The following COL1A1 variants were observed in gnomAD, a reference collection of about 807,000 sequenced individuals.
COL1A1 encodes the protein collagen alpha-1(I) chain.
COL1A1 carries 21 observed loss-of-function variants against 195.7 expected under a neutral mutation model. The observed-to-expected ratio is 0.11, with a 90% confidence interval of 0.08 to 0.15. The LOEUF (loss-of-function observed/expected upper bound fraction) is 0.15. Among genes scored for constraint, COL1A1 ranks in the 10% least tolerant of loss-of-function variants. The pLI is 1.00. For missense variants in COL1A1, 1,365 were observed against 2,051.0 expected (o/e 0.67, Z 6.46); for synonymous variants, 749 against 747.3 (o/e 1.00, Z -0.04).
Position 50,188,858 on chromosome 17 carries a change from A to G in COL1A1, c.3045+45T>C, listed in dbSNP as rs368234374. 1.0e-4 allele frequency: 158 copies of G among 1,583,290 alleles called. No homozygotes were observed. Among genetic ancestry groups the G allele is most frequent in the African/African-American group, 8.1e-4 (60 of 74,200 alleles). ...GGAAGAGGGCTTAGGCAAGGCCACA[A>G]TGGCCATGCTGAGGGTACTGGCATG... On this transcript the variant is annotated intron_variant, in intron 41 of 50. Coordinates refer to ENST00000225964, the MANE Select transcript of COL1A1 (RefSeq NM_000088.4). This position sits in a 1 kb window ranked among gnomAD's most constrained non-coding sequence, Gnocchi z 5.6.
At chr17:50,187,390 C>T in intron 46 of COL1A1, 94 bp downstream of exon 46, 1 of 1,311,390 alleles carries the variant, frequency 7.6e-7, no homozygotes, top group Non-Finnish European at 1.1e-6. Flanking sequence ...AACCCTTCTC[C>T]AGAGAGGCAA....
Position 50,185,094 on chromosome 17 carries a change from T to G in COL1A1, c.*408A>C, listed in dbSNP as rs1451584442. 2 of 272,908 alleles carry G rather than the reference T, an allele frequency of 7.3e-6. No individual in the cohort carries two copies. Among genetic ancestry groups the G allele is most frequent in the African/African-American group, 2.2e-5 (1 of 45,652 alleles). The allele number at this position is 272,908 out of a possible 1,614,324, so 16.9% of individuals were successfully genotyped here. On this transcript the variant is annotated 3_prime_UTR_variant, in exon 51 of 51. Transcript: ENST00000225964. Reference sequence around the variant, plus strand: ...TCCTGTGTCTTCTGGGGAGACAGATTTGGGAAGGAGTGGAGGGGAGGCCCC... The same window carrying G: ...TCCTGTGTCTTCTGGGGAGACAGATGTGGGAAGGAGTGGAGGGGAGGCCCC...
At position 50,199,431 on chromosome 17, in the gene COL1A1, G is replaced by A; in HGVS notation, c.356C>T (p.Pro119Leu). The A allele has an allele frequency of 6.2e-7, 1 of 1,614,180 alleles. No individual in the cohort carries two copies. Residue 119 changes from proline (P) to leucine (L), a missense_variant, in exon 4 of 51, where the codon CCC becomes CTC. Around this residue, in one of 5 missense-constraint regions of COL1A1, gnomAD observed 194 missense variants for 221.7 expected, o/e 0.88. Transcript: ENST00000225964. ...TGCAACGCTTACCCTTGGGCCTCGG[G>A]GGCCAGTGTCTCCCTTGGGTCCCTG... ...GVEGPKGDTG[P>L]RGPRGPAGPP...
intron 6 of COL1A1, 46 bp from the exon 7 acceptor site, chr17:50,198,251 A>C: frequency 6.2e-7 from 1 of 1,608,804 alleles, no homozygotes. Context: ...CCTCTGTAGG[A>C]AAGCATGTGG....
At position 50,185,254 on chromosome 17, in the gene COL1A1, A is replaced by C. The variant is rs879149993; in HGVS notation, c.*248T>G. 7.4e-6 allele frequency: 2 copies of C among 268,864 alleles called. No homozygotes were observed. Among genetic ancestry groups the C allele is most frequent in the African/African-American group, 1.4e-4 (2 of 14,640 alleles). The allele number at this position is 268,864 out of a possible 1,614,324, so 16.7% of individuals were successfully genotyped here. On this transcript the variant is annotated 3_prime_UTR_variant, in exon 51 of 51. Transcript: ENST00000225964. ...TCCTTTTTTAAAAAGTTATTTATTTATTCTTTTTTTTTTTTTTTTTTTGGT... is the reference window on the plus strand; with the variant it reads ...TCCTTTTTTAAAAAGTTATTTATTTCTTCTTTTTTTTTTTTTTTTTTTGGT...
rs1906250340 is a variant in COL1A1, at chr17:50,184,197, T to G, written c.*1305A>C. On this transcript the variant is annotated 3_prime_UTR_variant, in exon 51 of 51. Coordinates refer to ENST00000225964, the MANE Select transcript of COL1A1 (RefSeq NM_000088.4). ...ACAAAATAGGTACAGAGTCTTTTGC[T>G]TCCTCCCACCCCTAGGGGGAAAAAC... The G allele has an allele frequency of 4.4e-6, 1 of 228,050 alleles. No homozygotes were observed. Among genetic ancestry groups the G allele is most frequent in the East Asian group, 6.3e-5 (1 of 15,986 alleles). 14.1% of individuals were successfully genotyped at this position (228,050 alleles called of 1,614,324 possible). A position where few individuals can be genotyped will look rare whatever the true frequency, so the allele number is the denominator to read the frequency against.
chr17:50,196,464 C>G lies in COL1A1; in HGVS notation c.903+20G>C. ...CTGCCTCCTGCCCCATCCCTGCCCT[C>G]TGGAACTGGGCACACTCACCATCTG... On this transcript the variant is annotated intron_variant, in intron 13 of 50. Transcript: ENST00000225964. 1 of 1,614,194 alleles carries G rather than the reference C, an allele frequency of 6.2e-7. No homozygotes were observed. Among genetic ancestry groups the G allele is most frequent in the South Asian group, 1.1e-5 (1 of 91,088 alleles).
At position 50,188,058 on chromosome 17, in the gene COL1A1, G is replaced by A. The variant is rs772769221; in HGVS notation, c.3261+38C>T. ...GAGTGGGGCACTGTCTGCATCTGTA[G>A]AGTTCTAAAGGCATGGGGGACACAG... On this transcript the variant is annotated intron_variant, in intron 44 of 50. Coordinates refer to ENST00000225964, the MANE Select transcript of COL1A1 (RefSeq NM_000088.4). This position sits in a 1 kb window ranked among gnomAD's most constrained non-coding sequence, Gnocchi z 5.6. 1 of 1,613,584 alleles carries A rather than the reference G, an allele frequency of 6.2e-7. No individual in the cohort carries two copies. The highest frequency in any genetic ancestry group is 1.1e-5 in the South Asian group (1 of 91,030).
In COL1A1 at chr17:50,199,901, T is replaced by C; in HGVS notation, c.150A>G (p.Arg50=). ...CVQNGLRYHD[R]DVWKPEPCRI... Reference sequence around the variant, plus strand: ...GGCAGGGCTCGGGTTTCCACACGTCTCGGTCATGGTACCTGAGGCCGTTCT... The same window carrying C: ...GGCAGGGCTCGGGTTTCCACACGTCCCGGTCATGGTACCTGAGGCCGTTCT... The change falls in exon 2 of 51, where the codon CGA becomes CGG. Residue 50 remains arginine (R), a synonymous_variant. Coordinates refer to ENST00000225964, the MANE Select transcript of COL1A1 (RefSeq NM_000088.4). 1 of 1,614,184 alleles carries C rather than the reference T, an allele frequency of 6.2e-7. No homozygotes were observed. The highest frequency in any genetic ancestry group is 8.5e-7 in the Non-Finnish European group (1 of 1,180,030).
At chr17:50,192,071 G>T (rs774095910) in intron 29 of COL1A1, 47 bp from the exon 30 acceptor site, 1 of 1,592,726 alleles carries the variant, frequency 6.3e-7, no homozygotes, top group South Asian at 1.1e-5. Context: ...AACCCACCTG[G>T]GGCCACTCTG....
In COL1A1 at chr17:50,187,885, A is replaced by G. The variant is rs1598286951; in HGVS notation, c.3360T>C (p.Pro1120=). The change falls in exon 45 of 51, where the codon CCT becomes CCC. Residue 1120 remains proline, a synonymous_variant. Transcript: ENST00000225964. ...GGCTGAGCATACTTACAGGAGGGCC[A>G]GGGGGACCCTGGAGGCCAGAGAAGC... ...HRGFSGLQGP[P]GPPGSPGEQG... The G allele has an allele frequency of 6.2e-7, 1 of 1,603,436 alleles. No individual in the cohort carries two copies. The highest frequency in any genetic ancestry group is 8.5e-7 in the Non-Finnish European group (1 of 1,174,110).
In COL1A1 at chr17:50,186,600, CAGGAGT is replaced by C; in HGVS notation, c.3814+34_3814+39del. The C allele has an allele frequency of 6.2e-7, 1 of 1,613,296 alleles. No individual in the cohort carries two copies. Among genetic ancestry groups the C allele is most frequent in the Non-Finnish European group, 8.5e-7 (1 of 1,179,918 alleles). On this transcript the variant is annotated intron_variant, in intron 48 of 50. Coordinates refer to ENST00000225964, the MANE Select transcript of COL1A1 (RefSeq NM_000088.4). The surrounding 1 kb of genome is among the most constrained non-coding windows in gnomAD (Gnocchi z 5.3). ...TATGGGCATGGGGACCCTGGCATGGCAGGAGTAGGAGGGAGGGAGAGGCTAGGGCAG... is the reference window on the plus strand; with the variant it reads ...TATGGGCATGGGGACCCTGGCATGGCAGGAGGGAGGGAGAGGCTAGGGCAG...
rs536806940 is a variant in COL1A1 at position 50,190,298 on chromosome 17, T to A, written c.2451+29A>T. 11 of 1,518,154 alleles carry A rather than the reference T, an allele frequency of 7.2e-6. No homozygotes were observed. In the African/African-American group the frequency reaches 1.4e-4, roughly 20 times the overall value. The allele number at this position is 1,518,154 out of a possible 1,614,324, so 94.0% of individuals were successfully genotyped here. A position where few individuals can be genotyped will look rare whatever the true frequency, so the allele number is the denominator to read the frequency against. ...CGAGGTCCCAGGTCCCAGTCGGTGA[T>A]GAAAAATGATGGGGGTCTTGGTACT... On this transcript the variant is annotated intron_variant, in intron 35 of 50. Transcript: ENST00000225964. The surrounding 1 kb of genome is among the most constrained non-coding windows in gnomAD (Gnocchi z 4.7).
rs371715085 is a variant in COL1A1, at chr17:50,197,000, G to A, written c.804+10C>T. 1 of 1,613,998 alleles carries A rather than the reference G, an allele frequency of 6.2e-7. No individual in the cohort carries two copies. The highest frequency in any genetic ancestry group is 8.5e-7 in the Non-Finnish European group (1 of 1,179,954). ...ACTTGGGGAGCTTAAATGACTCAAA[G>A]GTGACTCACTCTGTGTCCCTTCATT... On this transcript the variant is annotated intron_variant, in intron 11 of 50. Transcript: ENST00000225964.
In COL1A1 at chr17:50,194,280, G is replaced by C; in HGVS notation, c.1614+69C>G. The C allele has an allele frequency of 6.3e-7, 1 of 1,598,994 alleles. No homozygotes were observed. The highest frequency in any genetic ancestry group is 1.1e-5 in the South Asian group (1 of 90,768). On this transcript the variant is annotated intron_variant, in intron 23 of 50. Coordinates refer to ENST00000225964, the MANE Select transcript of COL1A1 (RefSeq NM_000088.4). This position sits in a 1 kb window ranked among gnomAD's most constrained non-coding sequence, Gnocchi z 6.8. The stretch of plus-strand genomic sequence containing the variant: ...CAGACCCTTGGGCCTGATCCAGAAC[G>C]CCTCATCCCAGACCCTACACGGGAT...
chr17:50,193,075 G>T (rs532923817), intron 25 of COL1A1, 28 bp from the exon 26 acceptor site: 1 of 1,612,610 alleles, frequency 6.2e-7, no homozygotes, highest in South Asian at 1.1e-5. Flanking sequence ...TAGGGTTGAG[G>T]GGGCTGAAGT....
intron 26 of COL1A1, 57 bp downstream of exon 26, chr17:50,192,937 G>A: frequency 1.2e-6 from 2 of 1,613,308 alleles, no homozygotes; most frequent in Non-Finnish European, 1.7e-6. Context: ...CCTGCAGGGA[G>A]GAGAAAGTGC....
rs998287627 is a variant in COL1A1, at chr17:50,199,388, GC to G, written c.369+29del. On this transcript the variant is annotated intron_variant, in intron 4 of 50. Coordinates refer to ENST00000225964, the MANE Select transcript of COL1A1 (RefSeq NM_000088.4). The stretch of plus-strand genomic sequence containing the variant: ...GGGCCGAGAGCCATGCCCACCTGCA[GC>G]CCCCCACAGCCCAGAGTGCAACGCT... 4 of 1,612,802 alleles carry G rather than the reference GC, an allele frequency of 2.5e-6. No individual in the cohort carries two copies. The East Asian group carries it at 6.7e-5, about 27-fold the overall frequency.
intron 11 of COL1A1, among the ~76,000 whole-genome samples, 159 bp from the exon 12 acceptor site, chr17:50,196,829 G>A (rs1293892066): frequency 2.0e-5 from 3 of 152,198 alleles, no homozygotes; most frequent in South Asian, 2.1e-4. Flanking sequence ...TCACCCAATC[G>A]TTTAATCGGG....
Sources: allele counts gnomAD v4.1 joint callset (sites outside exome capture counted in the v4.1 genomes callset), GRCh38; gene constraint gnomAD v4.1.1; regional missense constraint gnomAD v4.1.1; non-coding constraint Gnocchi (gnomAD v3.1); transcripts MANE v1.5; gene names NCBI Gene and HGNC (gene_info 2026-07-23, HGNC 2026-07-21).